DNAAF4: variants seen among roughly 807,000 people sequenced by gnomAD.
The protein encoded by DNAAF4 is dynein assembly factor 4, axonemal.
In DNAAF4, 43 loss-of-function variants were observed where a neutral mutation model predicts 51.8. The observed-to-expected ratio is 0.83, with a 90% CI of 0.65 to 1.07. The LOEUF is 1.07. Ranked by LOEUF, DNAAF4 falls within the 50% of genes least tolerant of loss-of-function variation. The pLI, the probability that DNAAF4 is intolerant of heterozygous loss-of-function variation, is 0.00. For synonymous variants in DNAAF4, 194 were observed against 165.6 expected, an observed-to-expected ratio of 1.17 and a Z score of -1.32; for missense variants, 581 against 493.0, an observed-to-expected ratio of 1.18 and a Z score of -1.69.
downstream of DNAAF4, among the ~76,000 whole-genome samples, chr15:55,426,702 G>A (rs2057433783): frequency 1.3e-5 from 2 of 152,120 alleles, no homozygotes; most frequent in Non-Finnish European, 2.9e-5. Flanking sequence ...TTACAGGCAT[G>A]AGCCACTGAG....
At chr15:55,436,945 C>G (rs571930315) in intron 7 of DNAAF4, among the ~76,000 whole-genome samples, 16 of 151,736 alleles carry the variant, frequency 1.1e-4, no homozygotes, top group Admixed American at 1.1e-3. Flanking sequence ...CTCAGCCTCC[C>G]GAGTAGCTGG....
At chr15:55,496,321 C>G (rs1433214317) in intron 3 of DNAAF4, among the ~76,000 whole-genome samples, 1 of 152,182 alleles carries the variant, frequency 6.6e-6, no homozygotes, top group African/African-American at 2.4e-5. Flanking sequence ...CACCTGAGTC[C>G]TATTCCCAGA....
In DNAAF4 at chr15:55,497,764, G is replaced by T; in HGVS notation, c.219C>A (p.Phe73Leu). The change falls in exon 3 of 10, where the codon TTC (phenylalanine) becomes TTA (leucine). Residue 73 changes from phenylalanine to leucine, a missense_variant. Phe to Leu is a conservative substitution (Grantham distance 22). Transcript: ENST00000321149. ...KAKIGNDTIV[F>L]TLYKKEAAMW... is the part of the protein sequence containing the mutation. ...TGGCCGCTTCTTTTTTATACAAGGTGAAGACAATGGTGTCATTCCCAATCT... is the reference window on the plus strand; with the variant it reads ...TGGCCGCTTCTTTTTTATACAAGGTTAAGACAATGGTGTCATTCCCAATCT... The T allele has an allele frequency of 1.9e-6, 3 of 1,613,532 alleles. No homozygotes were observed. The highest frequency in any genetic ancestry group is 2.5e-6 in the Non-Finnish European group (3 of 1,179,710).
intron 1 of DNAAF4, among the ~76,000 whole-genome samples, chr15:55,505,499 A>G (rs2058722350): frequency 6.6e-6 from 1 of 152,242 alleles, no homozygotes; most frequent in Non-Finnish European, 1.5e-5. Context: ...CACAATAGCA[A>G]AGACTTGGAA....
chr15:55,489,674 CA>C (rs756823133), intron 4 of DNAAF4, among the ~76,000 whole-genome samples: 14,715 of 80,888 alleles, frequency 0.18, 851 homozygotes, highest in African/African-American at 0.29. Context: ...GACACCATTT[CA>C]AAAAAAAAAA....
intron 4 of DNAAF4, among the ~76,000 whole-genome samples, chr15:55,473,319 G>GTGTATATATATGTGTGTATATATA (rs1567023557): frequency 2.7e-4 from 35 of 130,874 alleles, no homozygotes; most frequent in East Asian, 2.3e-3. Context: ...GTGTATATAT[G>GTGTATATATATGTGTGTATATATA]TGTGTATATA....
At position 55,465,389 on chromosome 15, in the gene DNAAF4, T is replaced by C. The variant is rs1452844107; in HGVS notation, c.637+1541A>G. ...GAGAAGATAAAGAAAATATGGTGTA[T>C]ATATACACACACACACACACACACA... On this transcript the variant is annotated intron_variant, in intron 5 of 9. Coordinates refer to ENST00000321149, the MANE Select transcript of DNAAF4 (RefSeq NM_130810.4). Among the ~76,000 whole-genome samples the C allele has an allele frequency of 1.2e-4, 16 of 128,498 alleles. No homozygotes were observed. The East Asian group carries it at 2.5e-3, about 20-fold the overall frequency. 84.3% of individuals were successfully genotyped at this position (128,498 alleles called of 152,430 possible). A position where few individuals can be genotyped will look rare whatever the true frequency, so the allele number is the denominator to read the frequency against.
intron 5 of DNAAF4, among the ~76,000 whole-genome samples, chr15:55,465,817 T>C (rs945436377): frequency 6.6e-6 from 1 of 152,094 alleles, no homozygotes; most frequent in Non-Finnish European, 1.5e-5. Context: ...CTGCCCGCCT[T>C]GTCCTCCCAA....
chr15:55,473,345 ATGTG>A (rs1189839503), intron 4 of DNAAF4, among the ~76,000 whole-genome samples: 1 of 137,310 alleles, frequency 7.3e-6, no homozygotes, highest in African/African-American at 3.0e-5. Flanking sequence ...GTGTATATAT[ATGTG>A]TGTATATATA....
At chr15:55,481,273 C>T (rs2058406869) in intron 4 of DNAAF4, among the ~76,000 whole-genome samples, 1 of 152,122 alleles carries the variant, frequency 6.6e-6, no homozygotes, top group Admixed American at 6.5e-5. Flanking sequence ...TCATATCAAC[C>T]AATCAGGATT....
chr15:55,430,820 T>TATTG, intron 9 of DNAAF4, 41 bp from the exon 10 acceptor site: 2 of 1,434,218 alleles, frequency 1.4e-6, no homozygotes, highest in Non-Finnish European at 1.9e-6. Flanking sequence ...AATAAATATT[T>TATTG]TATTAGCACT....
chr15:55,425,824 T>C (rs540026593), downstream of DNAAF4, among the ~76,000 whole-genome samples: 6 of 152,282 alleles, frequency 3.9e-5, 1 homozygote, highest in African/African-American at 1.4e-4. Context: ...ATAAAATGTA[T>C]GGAAGGCCAC....
chr15:55,453,989 T>C (rs2057978462), intron 5 of DNAAF4, among the ~76,000 whole-genome samples: 2 of 151,960 alleles, frequency 1.3e-5, no homozygotes, highest in Non-Finnish European at 2.9e-5. Flanking sequence ...AGAAAATAGC[T>C]GAGGAAGATA....
chr15:55,469,088 T>C (rs575282148), intron 4 of DNAAF4, among the ~76,000 whole-genome samples: 3 of 151,974 alleles, frequency 2.0e-5, no homozygotes, highest in Non-Finnish European at 4.4e-5. Context: ...CCCAGCACTT[T>C]GGGAGGCTGA....
At chr15:55,426,663 G>T (rs1364207005), downstream of DNAAF4, among the ~76,000 whole-genome samples, 1 of 152,042 alleles carries the variant, frequency 6.6e-6, no homozygotes, top group Non-Finnish European at 1.5e-5. Flanking sequence ...CAGGTGATCC[G>T]CCCATCTCAG....
intron 9 of DNAAF4, 98 bp from the exon 10 acceptor site, chr15:55,430,877 A>T (rs2057481407): frequency 1.0e-6 from 1 of 954,618 alleles, no homozygotes; most frequent in Non-Finnish European, 1.6e-6. Context: ...AATCACTAGT[A>T]GCATGGTTCA....
chr15:55,500,640 TCTC>T (rs2058691875), intron 1 of DNAAF4, among the ~76,000 whole-genome samples: 1 of 152,256 alleles, frequency 6.6e-6, no homozygotes, highest in South Asian at 2.1e-4. Context: ...GTGAAATTAT[TCTC>T]CTGACTACCA....
At chr15:55,452,347 A>C (rs1030785822) in intron 5 of DNAAF4, among the ~76,000 whole-genome samples, 3 of 151,744 alleles carry the variant, frequency 2.0e-5, no homozygotes, top group African/African-American at 7.3e-5. Context: ...ATTACTAATA[A>C]TACTAATGAT....
chr15:55,493,699 A>C (rs2058602919), intron 3 of DNAAF4, among the ~76,000 whole-genome samples: 1 of 152,148 alleles, frequency 6.6e-6, no homozygotes, highest in Non-Finnish European at 1.5e-5. Context: ...TGCAAGTAAA[A>C]TTGAGTTTGA....
Sources: gnomAD v4.1 joint callset for allele counts (sites outside exome capture counted in the v4.1 genomes callset) on GRCh38, gnomAD v4.1.1 for gene constraint, MANE v1.5 for transcripts, NCBI Gene and HGNC (gene_info 2026-07-23, HGNC 2026-07-21) for gene names.